The following GPHN variants were observed in gnomAD, a reference collection of about 807,000 sequenced individuals.
The protein encoded by GPHN is gephyrin.
Under a neutral mutation model 95.5 loss-of-function variants are expected in GPHN, and 17 were observed. The observed-to-expected ratio is 0.18, with a 90% CI of 0.12 to 0.27. GPHN has a LOEUF of 0.27. Ranked by LOEUF, GPHN falls within the 10% of genes least tolerant of loss-of-function variation. GPHN has a pLI of 1.00. For missense variants in GPHN, 660 were observed against 978.1 expected (o/e 0.67, Z 4.34); for synonymous variants, 320 against 322.5 (o/e 0.99, Z 0.08).
chr14:67,158,924 A>T (rs534283523), intron 18 of GPHN, among the ~76,000 whole-genome samples: 1 of 152,302 alleles, frequency 6.6e-6, no homozygotes, highest in South Asian at 2.1e-4. Context: ...CTCTTCAAGG[A>T]ATGTATATGG....
intron 4 of GPHN, among the ~76,000 whole-genome samples, chr14:66,852,386 T>TGTGTGC (rs1315766986): frequency 2.0e-5 from 3 of 152,216 alleles, no homozygotes; most frequent in Admixed American, 6.5e-5. Flanking sequence ...AAAATGTGTG[T>TGTGTGC]GTGTGCGTGC....
chr14:67,325,134 T>C, the GPHN span, among the ~76,000 whole-genome samples: 1 of 152,006 alleles, frequency 6.6e-6, no homozygotes, highest in East Asian at 1.9e-4. Flanking sequence ...CTTGATCTCC[T>C]GACCTTGTGA....
intron 9 of GPHN, among the ~76,000 whole-genome samples, chr14:66,974,490 A>G (rs1009660553): frequency 1.3e-5 from 2 of 152,150 alleles, no homozygotes; most frequent in Non-Finnish European, 2.9e-5. Flanking sequence ...CAACTATGAA[A>G]TGTATAATTG....
chr14:66,830,095 C>T (rs759974853), intron 4 of GPHN, among the ~76,000 whole-genome samples: 9 of 151,986 alleles, frequency 5.9e-5, no homozygotes, highest in South Asian at 2.1e-4. Context: ...TAAACAAGAC[C>T]GCATAGCCTA....
chr14:67,295,078 A>T, the GPHN span: 1 of 150,718 alleles, frequency 6.6e-6, no homozygotes, highest in Non-Finnish European at 1.5e-5. Flanking sequence ...CGCGCTGAGA[A>T]ATGGTATTTG....
chr14:67,156,927 G>C (rs1008804230), intron 18 of GPHN, among the ~76,000 whole-genome samples: 2 of 150,664 alleles, frequency 1.3e-5, no homozygotes, highest in Non-Finnish European at 3.0e-5. Context: ...AGCCGAGATC[G>C]CGCCACTGCA....
chr14:66,944,787 T>C (rs2067645507), intron 8 of GPHN, among the ~76,000 whole-genome samples: 2 of 152,150 alleles, frequency 1.3e-5, no homozygotes, highest in Admixed American at 1.3e-4. Context: ...TCCCACAGAG[T>C]GAAACCCCTT....
intron 9 of GPHN, among the ~76,000 whole-genome samples, chr14:67,002,550 A>C (rs935842498): frequency 6.6e-6 from 1 of 151,284 alleles, no homozygotes; most frequent in Non-Finnish European, 1.5e-5. Flanking sequence ...CTGAAGATCA[A>C]TTTAACATAC....
the GPHN span, among the ~76,000 whole-genome samples, chr14:67,502,801 A>G: frequency 6.6e-6 from 1 of 152,154 alleles, no homozygotes; most frequent in South Asian, 2.1e-4. Context: ...GAGTGACCAC[A>G]GGGCTTATTT....
At chr14:66,661,101 G>A (rs1374872016) in intron 1 of GPHN, among the ~76,000 whole-genome samples, 1 of 152,168 alleles carries the variant, frequency 6.6e-6, no homozygotes, top group South Asian at 2.1e-4. Flanking sequence ...CAGGGCGGGA[G>A]CTTGGACATC....
At chr14:66,991,870 T>TAAAAA (rs1555458890) in intron 9 of GPHN, among the ~76,000 whole-genome samples, 4 of 111,052 alleles carry the variant, frequency 3.6e-5, no homozygotes, top group Admixed American at 8.9e-5. Context: ...AGACCCTGTC[T>TAAAAA]AAAAAAAAAA....
intron 1 of GPHN, among the ~76,000 whole-genome samples, chr14:66,680,314 T>C (rs2066865163): frequency 6.6e-6 from 1 of 152,234 alleles, no homozygotes; most frequent in South Asian, 2.1e-4. Context: ...AAATATCTTG[T>C]GGGAAGACCT....
At chr14:67,461,747 C>G in the GPHN span, among the ~76,000 whole-genome samples, 1 of 152,208 alleles carries the variant, frequency 6.6e-6, no homozygotes, top group Admixed American at 6.5e-5. Context: ...TGAGATAGTC[C>G]TGCAAAAGGT....
chr14:67,683,430 A>G, the GPHN span, among the ~76,000 whole-genome samples: 12 of 152,332 alleles, frequency 7.9e-5, no homozygotes, highest in East Asian at 2.1e-3. Flanking sequence ...TGCCTTATAG[A>G]TAACACACAT....
chr14:67,579,620 C>T, the GPHN span: 3 of 1,180,314 alleles, frequency 2.5e-6, no homozygotes, highest in African/African-American at 1.5e-5. Flanking sequence ...TTTGTATTTG[C>T]CCTTGCTCCT....
chr14:67,556,746 T>TATAC, the GPHN span, among the ~76,000 whole-genome samples: 15 of 152,326 alleles, frequency 9.8e-5, no homozygotes, highest in African/African-American at 1.2e-4. Flanking sequence ...TAAATAAATA[T>TATAC]ATACATACAT....
At chr14:67,166,852 TAG>T (rs1173511255) in intron 20 of GPHN, among the ~76,000 whole-genome samples, 1 of 152,170 alleles carries the variant, frequency 6.6e-6, no homozygotes, top group Non-Finnish European at 1.5e-5. Flanking sequence ...GTATTTTTTG[TAG>T]AGACGGGGTT....
At chr14:66,813,398 A>T (rs1466116726) in intron 3 of GPHN, among the ~76,000 whole-genome samples, 1 of 152,196 alleles carries the variant, frequency 6.6e-6, no homozygotes, top group African/African-American at 2.4e-5. Context: ...AAGACATAGA[A>T]GCTGGGCTAA....
At chr14:66,914,970 A>G (rs2065836915) in intron 5 of GPHN, among the ~76,000 whole-genome samples, 1 of 152,166 alleles carries the variant, frequency 6.6e-6, no homozygotes, top group Admixed American at 6.5e-5. Context: ...TAAAGGTCAG[A>G]AAATAGCCTT....
Sources: allele counts gnomAD v4.1 joint callset (sites outside exome capture counted in the v4.1 genomes callset), GRCh38; gene constraint gnomAD v4.1.1; transcripts MANE v1.5; gene names NCBI Gene and HGNC (gene_info 2026-07-23, HGNC 2026-07-21).